The following LSAMP variants were observed in gnomAD, a reference collection of about 807,000 sequenced individuals.
LSAMP encodes limbic system-associated membrane protein.
A neutral mutation model predicts 38.6 loss-of-function variants in LSAMP; 7 were observed. The observed-to-expected ratio is 0.18, with a 90% confidence interval of 0.10 to 0.34. The LOEUF (loss-of-function observed/expected upper bound fraction) is 0.34, where lower values mean the gene tolerates loss of function less well. Ranked by LOEUF, LSAMP falls within the 10% of genes least tolerant of loss-of-function variation. The pLI is 1.00. For synonymous variants in LSAMP, 154 were observed against 166.8 expected, an observed-to-expected ratio of 0.92 and a Z score of 0.59; for missense variants, 313 against 420.0, an observed-to-expected ratio of 0.75 and a Z score of 2.23.
intron 1 of LSAMP, among the ~76,000 whole-genome samples, chr3:116,261,441 T>C (rs942953500): frequency 1.3e-5 from 2 of 152,222 alleles, no homozygotes; most frequent in Non-Finnish European, 2.9e-5. Context: ...TGGCATCACA[T>C]TGAATTATCA....
intron 1 of LSAMP, among the ~76,000 whole-genome samples, chr3:116,208,414 CTCCG>C (rs1411559593): frequency 6.6e-6 from 1 of 152,192 alleles, no homozygotes; most frequent in Non-Finnish European, 1.5e-5. Flanking sequence ...CAAAGTCATT[CTCCG>C]TCTAGCTTTG....
Position 115,809,962 on chromosome 3 carries a change from TG to T in LSAMP, c.*354del, listed in dbSNP as rs3214679. On this transcript the variant is annotated 3_prime_UTR_variant, in exon 7 of 7. Coordinates refer to ENST00000490035, the MANE Select transcript of LSAMP (RefSeq NM_002338.5). The stretch of plus-strand genomic sequence containing the variant: ...AAGGAAGGAAGGATAAAGTGTGTGT[TG>T]GGGGGCTTAATATCCATCTGGTTCT... 5.7e-5 allele frequency: 10 copies of T among 176,626 alleles called. No individual in the cohort carries two copies. The highest frequency in any genetic ancestry group is 1.1e-4 in the Non-Finnish European group (9 of 85,328). 10.9% of individuals were successfully genotyped at this position (176,626 alleles called of 1,614,324 possible). A position where few individuals can be genotyped will look rare whatever the true frequency, so the allele number is the denominator to read the frequency against.
chr3:116,319,975 C>T (rs1420482555), intron 1 of LSAMP, among the ~76,000 whole-genome samples: 1 of 152,070 alleles, frequency 6.6e-6, no homozygotes, highest in Admixed American at 6.6e-5. Context: ...GGAAGACTTT[C>T]CAAACATTTG....
intron 1 of LSAMP, among the ~76,000 whole-genome samples, chr3:116,440,233 G>A (rs1302411356): frequency 6.6e-6 from 1 of 152,188 alleles, no homozygotes; most frequent in Non-Finnish European, 1.5e-5. Context: ...CTCAGATGAT[G>A]ACAGGGAGAG....
At chr3:116,045,541 T>TAAAAAA (rs10662058) in intron 2 of LSAMP, among the ~76,000 whole-genome samples, 4 of 76,018 alleles carry the variant, frequency 5.3e-5, no homozygotes, top group African/African-American at 2.0e-4. Flanking sequence ...GTGGAGGTGG[T>TAAAAAA]AAAAAAAAAA....
chr3:116,355,920 G>A (rs529542769), intron 1 of LSAMP, among the ~76,000 whole-genome samples: 119 of 152,144 alleles, frequency 7.8e-4, no homozygotes, highest in African/African-American at 2.7e-3. Context: ...CAAAACACAG[G>A]CAATAGCAAA....
rs370060642 is a variant in LSAMP, at chr3:115,969,164, T to G, written c.514+50351A>C. ...GGTACTGTGATTGCTCATCTGATTG[T>G]TGGTTCTTATAAAGGTGCTTTCATG... is the stretch of plus-strand genomic sequence containing the variant. On this transcript the variant is annotated intron_variant, in intron 3 of 6. Transcript: ENST00000490035. 3.5e-4 allele frequency among the ~76,000 whole-genome samples: 54 copies of G among 152,298 alleles called. 2 individuals are homozygous for G. In the South Asian group the frequency reaches 0.011, roughly 32 times the overall value.
chr3:115,813,338 A>G (rs1933901310), intron 6 of LSAMP, among the ~76,000 whole-genome samples: 2 of 152,132 alleles, frequency 1.3e-5, no homozygotes, highest in Non-Finnish European at 2.9e-5. Flanking sequence ...CTCTATAGTA[A>G]CATGCTTACA....
intron 2 of LSAMP, among the ~76,000 whole-genome samples, chr3:116,036,671 C>G (rs1213888560): frequency 6.6e-6 from 1 of 151,676 alleles, no homozygotes; most frequent in African/African-American, 2.4e-5. Context: ...TGCATAGTGT[C>G]AAAGAAAGTA....
chr3:115,999,041 T>C (rs897922145), intron 3 of LSAMP, among the ~76,000 whole-genome samples: 3 of 152,188 alleles, frequency 2.0e-5, no homozygotes, highest in Non-Finnish European at 4.4e-5. Context: ...GCTGTGTTGC[T>C]GCTGCTCATG....
intron 2 of LSAMP, among the ~76,000 whole-genome samples, chr3:116,026,342 T>C (rs1026715556): frequency 1.3e-5 from 2 of 152,210 alleles, no homozygotes; most frequent in Non-Finnish European, 2.9e-5. Context: ...TGTCCAGAGT[T>C]GTTTGTACAG....
chr3:115,879,216 A>C (rs746057099), intron 3 of LSAMP, among the ~76,000 whole-genome samples: 1 of 152,164 alleles, frequency 6.6e-6, no homozygotes, highest in Non-Finnish European at 1.5e-5. Context: ...AGATACACTT[A>C]TCTACCCTTT....
At position 116,231,554 on chromosome 3, in the gene LSAMP, C is replaced by T. The variant is rs186695730; in HGVS notation, c.156-144998G>A. 1.1e-3 allele frequency among the ~76,000 whole-genome samples: 165 copies of T among 152,246 alleles called. 1 individual carries two copies. Among genetic ancestry groups the T allele is most frequent in the African/African-American group, 3.7e-3 (152 of 41,528 alleles). On this transcript the variant is annotated intron_variant, in intron 1 of 6. Coordinates refer to ENST00000490035, the MANE Select transcript of LSAMP (RefSeq NM_002338.5). ...CTATGTCAAGGTGCTTCAGTGGGCA[C>T]GGTAACAGTGAAAAACGTAACCCTT... is the stretch of plus-strand genomic sequence containing the variant.
At chr3:116,017,973 A>G (rs1940532549) in intron 3 of LSAMP, among the ~76,000 whole-genome samples, 1 of 152,152 alleles carries the variant, frequency 6.6e-6, no homozygotes, top group African/African-American at 2.4e-5. Flanking sequence ...ACATAATGCC[A>G]TCCAAGTAGA....
chr3:116,212,999 T>C (rs2046178416), intron 1 of LSAMP, among the ~76,000 whole-genome samples: 1 of 152,198 alleles, frequency 6.6e-6, no homozygotes, highest in South Asian at 2.1e-4. Context: ...TTGCAATGGG[T>C]CACTTTGTAC....
chr3:116,021,300 A>T (rs1940631652), intron 2 of LSAMP, among the ~76,000 whole-genome samples: 1 of 152,178 alleles, frequency 6.6e-6, no homozygotes, highest in East Asian at 1.9e-4. Flanking sequence ...AAAACCTGAA[A>T]GATCATATAC....
chr3:116,161,399 G>T (rs1477150292), intron 1 of LSAMP, among the ~76,000 whole-genome samples: 2 of 152,170 alleles, frequency 1.3e-5, no homozygotes, highest in East Asian at 3.8e-4. Context: ...TATAGTCATA[G>T]TGTGAACTAA....
chr3:116,062,565 T>C lies in LSAMP; in HGVS notation c.388+23759A>G, dbSNP rs1409554831. On this transcript the variant is annotated intron_variant, in intron 2 of 6. Coordinates refer to ENST00000490035, the MANE Select transcript of LSAMP (RefSeq NM_002338.5). ...TATATACTCAGTGTGAAATCCAAAG[T>C]GCAGGAGGGTCTCTCTCTCTCTCTC... Among the ~76,000 whole-genome samples the C allele has an allele frequency of 2.0e-5, 3 of 152,140 alleles. No homozygotes were observed. In the East Asian group the frequency reaches 5.8e-4, roughly 29 times the overall value.
rs2049495721 is a variant in LSAMP, at chr3:116,445,228, A to G, written c.-197T>C. On this transcript the variant is annotated 5_prime_UTR_variant, in exon 1 of 7. An upstream start codon of the reference 5' UTR is lost. Transcript: ENST00000490035. ...CCCTCTAAGACTTAACAAAGCCCTC[A>G]TAAAACCCAAGCAGAAGGGTGAAAA... is the stretch of plus-strand genomic sequence containing the variant. The G allele has an allele frequency of 5.0e-6, 3 of 599,032 alleles. No individual in the cohort carries two copies. Among genetic ancestry groups the G allele is most frequent in the Non-Finnish European group, 8.9e-6 (3 of 337,996 alleles). The allele number at this position is 599,032 out of a possible 1,614,324, so 37.1% of individuals were successfully genotyped here. A position where few individuals can be genotyped will look rare whatever the true frequency, so the allele number is the denominator to read the frequency against.
Sources: allele counts gnomAD v4.1 joint callset (sites outside exome capture counted in the v4.1 genomes callset), GRCh38; gene constraint gnomAD v4.1.1; transcripts MANE v1.5; gene names NCBI Gene and HGNC (gene_info 2026-07-23, HGNC 2026-07-21).